ABR: variants seen among roughly 807,000 people sequenced by gnomAD.
The protein encoded by ABR is active breakpoint cluster region-related protein.
In ABR, 35 loss-of-function variants were observed where a neutral mutation model predicts 107.2. The ratio of observed to expected loss-of-function variants is 0.33; its 90% CI spans 0.25 to 0.43. ABR has a LOEUF of 0.43. ABR is among the 20% of genes least tolerant of loss of function. ABR has a pLI of 1.00. For missense variants in ABR, 815 were observed against 1,115.2 expected, an observed-to-expected ratio of 0.73 and a Z score of 3.83; for synonymous variants, 498 against 462.0, an observed-to-expected ratio of 1.08 and a Z score of -1.00.
At chr17:1,141,494 T>G (rs759475539) in intron 1 of ABR, among the ~76,000 whole-genome samples, 4 of 152,154 alleles carry the variant, frequency 2.6e-5, no homozygotes, top group Non-Finnish European at 5.9e-5. Context: ...CTATACCTCA[T>G]GAAGCTTTTG....
intron 16 of ABR, among the ~76,000 whole-genome samples, chr17:1,035,605 C>CG (rs2073128080): frequency 2.3e-4 from 1 of 4,410 alleles, no homozygotes; most frequent in Non-Finnish European, 5.9e-4. Flanking sequence ...CTTCCATCCC[C>CG]CACACCTGCT....
intron 1 of ABR, among the ~76,000 whole-genome samples, chr17:1,149,277 C>A (rs1471331204): frequency 6.6e-6 from 1 of 151,928 alleles, no homozygotes; most frequent in Admixed American, 6.6e-5. Flanking sequence ...AGGAGTAATA[C>A]CAGGGACAGA....
At chr17:1,047,594 G>A (rs984631402) in intron 16 of ABR, among the ~76,000 whole-genome samples, 6 of 152,206 alleles carry the variant, frequency 3.9e-5, no homozygotes, top group African/African-American at 1.2e-4. Context: ...TGAACTGTCC[G>A]CTCACAGGCC....
Position 1,013,184 on chromosome 17 carries a change from G to A in ABR, c.1792-20C>T, listed in dbSNP as rs779489922. Reference sequence around the variant, plus strand: ...GTCCAGCTGCAGAGAGAGAATGTGGGTGAGAGAGGTGCCAGCTCGGAGGCC... The same window carrying A: ...GTCCAGCTGCAGAGAGAGAATGTGGATGAGAGAGGTGCCAGCTCGGAGGCC... On this transcript the variant is annotated intron_variant, in intron 16 of 22. Transcript: ENST00000302538. 6.8e-6 allele frequency: 11 copies of A among 1,613,128 alleles called. No individual in the cohort carries two copies. Among genetic ancestry groups the A allele is most frequent in the East Asian group, 2.2e-5 (1 of 44,900 alleles).
intron 1 of ABR, among the ~76,000 whole-genome samples, chr17:1,133,408 G>C (rs1306279278): frequency 6.6e-6 from 1 of 152,156 alleles, no homozygotes; most frequent in Admixed American, 6.6e-5. Flanking sequence ...AGGGCTGTCT[G>C]TAAGTGTGAA....
chr17:1,067,600 T>C (rs2034859525), intron 9 of ABR, among the ~76,000 whole-genome samples: 1 of 152,194 alleles, frequency 6.6e-6, no homozygotes, highest in Admixed American at 6.5e-5. Flanking sequence ...CCCTCCCTTC[T>C]AGACTATCCG....
chr17:1,038,899 G>A (rs1052941802), intron 16 of ABR, among the ~76,000 whole-genome samples: 2 of 152,236 alleles, frequency 1.3e-5, no homozygotes, highest in African/African-American at 4.8e-5. Context: ...ATTCCTAGGA[G>A]GAAGCAGCAG....
chr17:1,005,965 C>T lies in ABR; in HGVS notation c.*115G>A. On this transcript the variant is annotated 3_prime_UTR_variant, in exon 23 of 23. Transcript: ENST00000302538. ...TTCCAGTTCTTGGAAGCTGGCTTCCCTCGAGTCTGGAGTGCTGGGTTTGGG... is the reference window on the plus strand; with the variant it reads ...TTCCAGTTCTTGGAAGCTGGCTTCCTTCGAGTCTGGAGTGCTGGGTTTGGG... 1 of 991,922 alleles carries T rather than the reference C, an allele frequency of 1.0e-6. No individual in the cohort carries two copies. Among genetic ancestry groups the T allele is most frequent in the Non-Finnish European group, 1.5e-6 (1 of 650,920 alleles). 61.4% of individuals were successfully genotyped at this position (991,922 alleles called of 1,614,324 possible).
rs35845220 is a variant in ABR at position 1,021,792 on chromosome 17, G to GA, written c.1792-8629dup. 3.8e-3 allele frequency among the ~76,000 whole-genome samples: 487 copies of GA among 128,906 alleles called. 2 individuals carry two copies. The highest frequency in any genetic ancestry group is 8.8e-3 in the Middle Eastern group (2 of 226). 84.6% of individuals were successfully genotyped at this position (128,906 alleles called of 152,430 possible). A position where few individuals can be genotyped will look rare whatever the true frequency, so the allele number is the denominator to read the frequency against. ...GCCACTGCACTCCAGCCTGGCGGCAGAAAAAAAAAAAAAATGCTTCTTCAC... is the reference window on the plus strand; with the variant it reads ...GCCACTGCACTCCAGCCTGGCGGCAGAAAAAAAAAAAAAAATGCTTCTTCAC... On this transcript the variant is annotated intron_variant, in intron 16 of 22. Coordinates refer to ENST00000302538, the MANE Select transcript of ABR (RefSeq NM_021962.5).
chr17:1,006,623 G>A (rs1434951074), intron 22 of ABR, among the ~76,000 whole-genome samples: 1 of 152,164 alleles, frequency 6.6e-6, no homozygotes, highest in Non-Finnish European at 1.5e-5. Context: ...GGGCAGAAGT[G>A]TCTACAGTCC....
At chr17:1,109,550 T>TG (rs1401274855) in intron 2 of ABR, among the ~76,000 whole-genome samples, 2 of 150,134 alleles carry the variant, frequency 1.3e-5, no homozygotes, top group Non-Finnish European at 3.0e-5. Flanking sequence ...CGGGCCGGGG[T>TG]GGGGTGGAGC....
intron 1 of ABR, among the ~76,000 whole-genome samples, chr17:1,153,634 A>ACGGGAGGGCTGGGGACCCAGGCACACCTG (rs1555606685): frequency 5.4e-4 from 16 of 29,506 alleles, no homozygotes; most frequent in African/African-American, 1.2e-3. Context: ...AGGCACACCT[A>ACGGGAGGGCTGGGGACCCAGGCACACCTG]CGGGAGGGCT....
chr17:1,158,580 T>C lies in ABR; in HGVS notation c.61+21087A>G, dbSNP rs146387957. 4.7e-3 allele frequency among the ~76,000 whole-genome samples: 709 copies of C among 151,606 alleles called. 2 individuals carry two copies. Among genetic ancestry groups the C allele is most frequent in the Non-Finnish European group, 7.9e-3 (536 of 67,900 alleles). ...GAGTTCAAGACCAGCTTGGCCAACA[T>C]GATGAAACCTTGTCTGTACTAAAAA... is the stretch of plus-strand genomic sequence containing the variant. On this transcript the variant is annotated intron_variant, in intron 1 of 22. Coordinates refer to ENST00000302538, the MANE Select transcript of ABR (RefSeq NM_021962.5).
chr17:1,043,975 C>G (rs1309311759), intron 16 of ABR, among the ~76,000 whole-genome samples: 1 of 152,238 alleles, frequency 6.6e-6, no homozygotes, highest in African/African-American at 2.4e-5. Context: ...CTTCTCCAGT[C>G]TGGGGACGCT....
At chr17:1,201,825 C>T (rs1050024557) in intron 1 of ABR, among the ~76,000 whole-genome samples, 11 of 152,086 alleles carry the variant, frequency 7.2e-5, no homozygotes, top group African/African-American at 1.2e-4. Flanking sequence ...AACAGGCGCC[C>T]ACCACCACGC....
chr17:1,080,375 A>C (rs1481613368), intron 5 of ABR, among the ~76,000 whole-genome samples: 2 of 152,150 alleles, frequency 1.3e-5, no homozygotes, highest in Non-Finnish European at 2.9e-5. Context: ...ATCTGCTCCA[A>C]GCCTCTTTAT....
chr17:1,082,141 G>A (rs1292433278), intron 5 of ABR, among the ~76,000 whole-genome samples: 1 of 152,066 alleles, frequency 6.6e-6, no homozygotes, highest in African/African-American at 2.4e-5. Context: ...GCCAAGAGGG[G>A]CCTTTACGGC....
intron 16 of ABR, chr17:1,022,457 G>A (rs922541342): frequency 6.5e-6 from 1 of 153,536 alleles, no homozygotes; most frequent in African/African-American, 2.4e-5. Context: ...GGCAACGGGG[G>A]AGACGGGAGT....
intron 16 of ABR, among the ~76,000 whole-genome samples, chr17:1,024,462 A>G (rs2663338): frequency 0.76 from 116,136 of 152,070 alleles, 44,557 homozygotes; most frequent in Middle Eastern, 0.88. Context: ...ACTTCATCTG[A>G]GTCACTCTCT....
Sources: allele counts gnomAD v4.1 joint callset (sites outside exome capture counted in the v4.1 genomes callset), GRCh38; gene constraint gnomAD v4.1.1; transcripts MANE v1.5; gene names NCBI Gene and HGNC (gene_info 2026-07-23, HGNC 2026-07-21).